CHCHD6: variants seen among roughly 807,000 people sequenced by gnomAD.
CHCHD6 encodes the protein MICOS complex subunit MIC25.
A neutral mutation model predicts 32.3 loss-of-function variants in CHCHD6; 28 were observed. The ratio of observed to expected loss-of-function variants is 0.87; its 90% CI spans 0.64 to 1.19. CHCHD6 has a LOEUF of 1.19. Among genes scored for constraint, CHCHD6 ranks in the 50% most tolerant of loss-of-function variants. The probability of loss-of-function intolerance (pLI) is 0.00; values close to 1 mark genes in which losing one functional copy is unlikely to be tolerated. For synonymous variants in CHCHD6, 122 were observed against 117.5 expected (o/e 1.04, Z -0.25); for missense variants, 333 against 307.0 (o/e 1.08, Z -0.63).
intron 2 of CHCHD6, among the ~76,000 whole-genome samples, chr3:126,729,015 A>G (rs1250580202): frequency 6.6e-6 from 1 of 152,230 alleles, no homozygotes; most frequent in East Asian, 1.9e-4. Flanking sequence ...AATTCTTCTC[A>G]TACTATACCC....
intron 4 of CHCHD6, among the ~76,000 whole-genome samples, chr3:126,744,659 G>A (rs1936418244): frequency 6.6e-6 from 1 of 152,118 alleles, no homozygotes; most frequent in South Asian, 2.1e-4. Flanking sequence ...TGGTAGCTTC[G>A]TGCCTCAGAG....
chr3:126,812,386 T>C (rs182777301), intron 4 of CHCHD6, among the ~76,000 whole-genome samples: 81 of 151,894 alleles, frequency 5.3e-4, no homozygotes, highest in Non-Finnish European at 1.0e-3. Context: ...TTTTTCTGGC[T>C]TCTAGTATAA....
At chr3:126,852,591 C>A in intron 4 of CHCHD6, 56 bp from the exon 5 acceptor site, 1 of 1,309,042 alleles carries the variant, frequency 7.6e-7, no homozygotes, top group Non-Finnish European at 1.1e-6. Flanking sequence ...CTCCCTGCAG[C>A]ACCATTCCAG....
chr3:126,738,578 A>G (rs1936156628), intron 4 of CHCHD6, among the ~76,000 whole-genome samples: 1 of 152,176 alleles, frequency 6.6e-6, no homozygotes, highest in Non-Finnish European at 1.5e-5. Flanking sequence ...TGCTGAGCAA[A>G]TTCTAGACAG....
At chr3:126,812,048 A>T (rs995174019) in intron 4 of CHCHD6, among the ~76,000 whole-genome samples, 2 of 151,382 alleles carry the variant, frequency 1.3e-5, no homozygotes, top group South Asian at 2.1e-4. Context: ...AAGAGGAAAA[A>T]CTCAGGCCCT....
intron 4 of CHCHD6, among the ~76,000 whole-genome samples, chr3:126,831,501 A>G (rs114249804): frequency 5.3e-5 from 8 of 152,088 alleles, no homozygotes; most frequent in Non-Finnish European, 1.0e-4. Context: ...ACCTTGTTTC[A>G]TCTATCTCAG....
intron 6 of CHCHD6, among the ~76,000 whole-genome samples, chr3:126,932,731 C>T (rs1158603024): frequency 6.6e-6 from 1 of 152,218 alleles, no homozygotes; most frequent in Non-Finnish European, 1.5e-5. Flanking sequence ...GCTGGCATGG[C>T]AGAATGGCAC....
chr3:126,900,450 G>A (rs2077905602), intron 5 of CHCHD6, among the ~76,000 whole-genome samples: 1 of 152,164 alleles, frequency 6.6e-6, no homozygotes, highest in South Asian at 2.1e-4. Context: ...TTGGCTCACG[G>A]TTCTGCCAGC....
chr3:126,757,056 C>T (rs1278454200), intron 4 of CHCHD6, among the ~76,000 whole-genome samples: 2 of 152,148 alleles, frequency 1.3e-5, no homozygotes, highest in Non-Finnish European at 2.9e-5. Flanking sequence ...CAACCACACG[C>T]GTATTTGTTT....
rs569301961 is a variant in CHCHD6 at position 126,760,968 on chromosome 3, G to A, written c.411+27746G>A. Among the ~76,000 whole-genome samples the A allele has an allele frequency of 1.2e-3, 188 of 152,238 alleles. 1 individual carries two copies. Among genetic ancestry groups the A allele is most frequent in the African/African-American group, 4.3e-3 (180 of 41,538 alleles). ...CCTGCCTCAGCCTCCTGAGTAGCTG[G>A]GACTACAGCTGTGCACCACCATGCC... is the stretch of plus-strand genomic sequence containing the variant. On this transcript the variant is annotated intron_variant, in intron 4 of 7. Coordinates refer to ENST00000290913, the MANE Select transcript of CHCHD6 (RefSeq NM_032343.3).
At position 126,779,867 on chromosome 3, in the gene CHCHD6, A is replaced by G. The variant is rs74334778; in HGVS notation, c.411+46645A>G. ...TTAAGGTTATAAACTCCTTAGGGCA[A>G]GAAAAAGTCATGTCCTATTTATCTT... On this transcript the variant is annotated intron_variant, in intron 4 of 7. Coordinates refer to ENST00000290913, the MANE Select transcript of CHCHD6 (RefSeq NM_032343.3). 9.9e-3 allele frequency among the ~76,000 whole-genome samples: 1,512 copies of G among 152,346 alleles called. 21 individuals are homozygous for G. The highest frequency in any genetic ancestry group is 0.034 in the African/African-American group (1,414 of 41,568).
intron 6 of CHCHD6, among the ~76,000 whole-genome samples, chr3:126,947,773 G>A (rs1343466620): frequency 6.6e-6 from 1 of 152,160 alleles, no homozygotes; most frequent in Non-Finnish European, 1.5e-5. Context: ...CCTCCCACAG[G>A]CTGATCCTCA....
At chr3:126,743,309 C>T (rs536386846) in intron 4 of CHCHD6, among the ~76,000 whole-genome samples, 1 of 152,248 alleles carries the variant, frequency 6.6e-6, no homozygotes, top group East Asian at 1.9e-4. Flanking sequence ...GCAACCTGGG[C>T]TTATTTGGAT....
chr3:126,745,655 C>G (rs1407053064), intron 4 of CHCHD6, among the ~76,000 whole-genome samples: 2 of 152,180 alleles, frequency 1.3e-5, no homozygotes, highest in African/African-American at 4.8e-5. Flanking sequence ...AATGTTCTAA[C>G]CCTCCACCTG....
At chr3:126,709,936 C>T (rs77944780) in intron 1 of CHCHD6, among the ~76,000 whole-genome samples, 4,507 of 152,228 alleles carry the variant, frequency 0.03, 95 homozygotes, top group Non-Finnish European at 0.04. Flanking sequence ...CTTGAGCATC[C>T]TCAGATATTG....
intron 5 of CHCHD6, among the ~76,000 whole-genome samples, chr3:126,865,917 G>T (rs571682007): frequency 6.6e-6 from 1 of 152,314 alleles, no homozygotes; most frequent in East Asian, 1.9e-4. Flanking sequence ...TAGGGTAGTT[G>T]TCTGTGCCAG....
intron 4 of CHCHD6, among the ~76,000 whole-genome samples, chr3:126,832,253 T>C (rs1940675162): frequency 6.6e-6 from 1 of 152,234 alleles, no homozygotes; most frequent in South Asian, 2.1e-4. Flanking sequence ...ATGTATATGA[T>C]GGCTTATCTA....
chr3:126,788,173 G>T (rs1938323510), intron 4 of CHCHD6, among the ~76,000 whole-genome samples: 1 of 152,188 alleles, frequency 6.6e-6, no homozygotes, highest in African/African-American at 2.4e-5. Context: ...CAGGGATGAA[G>T]CCCACTTGAT....
At chr3:126,767,090 C>T (rs954271248) in intron 4 of CHCHD6, 36 of 1,262,612 alleles carry the variant, frequency 2.9e-5, no homozygotes, top group East Asian at 9.3e-5. Context: ...CCGCCGTGCC[C>T]GGGCGATGAA....
Sources: allele counts gnomAD v4.1 joint callset (sites outside exome capture counted in the v4.1 genomes callset), GRCh38; gene constraint gnomAD v4.1.1; transcripts MANE v1.5; gene names NCBI Gene and HGNC (gene_info 2026-07-23, HGNC 2026-07-21).